PDE4D: variants seen among roughly 807,000 people sequenced by gnomAD.
PDE4D encodes 3',5'-cyclic-AMP phosphodiesterase 4D.
PDE4D carries 24 observed loss-of-function variants against 87.4 expected under a neutral mutation model. That is an observed-to-expected ratio of 0.27 (90% CI 0.20 to 0.39). The LOEUF is 0.39. Ranked by LOEUF, PDE4D falls within the 10% of genes least tolerant of loss-of-function variation. The pLI, the probability that PDE4D is intolerant of heterozygous loss-of-function variation, is 1.00. For missense variants in PDE4D, 714 were observed against 1,041.0 expected, an observed-to-expected ratio of 0.69 and a Z score of 4.32; for synonymous variants, 384 against 383.2, an observed-to-expected ratio of 1.00 and a Z score of -0.02.
chr5:59,130,076 G>T lies in PDE4D; in HGVS notation c.808+50519C>A, dbSNP rs571807570. ...TATTTCCCCCCTTATAACCAGAGCT[G>T]TTCCTCAGTACCACTAAAATTGGAA... On this transcript the variant is annotated intron_variant, in intron 5 of 14. Transcript: ENST00000340635. Among the ~76,000 whole-genome samples, 10 of 152,278 alleles carry T rather than the reference G, an allele frequency of 6.6e-5. No individual in the cohort carries two copies. The South Asian group carries it at 1.9e-3, about 28-fold the overall frequency.
intron 2 of PDE4D, among the ~76,000 whole-genome samples, chr5:60,122,144 G>T (rs1209981461): frequency 6.6e-6 from 1 of 152,184 alleles, no homozygotes; most frequent in Non-Finnish European, 1.5e-5. Flanking sequence ...GCAGGGTGCA[G>T]CCTCCCACTG....
In PDE4D at chr5:60,155,099, T is replaced by C. The variant is rs1781847657; in HGVS notation, c.42+30458A>G. Reference sequence around the variant, plus strand: ...TATGAAAAGTTGCATGCAATTCTGTTTGAGATACATCTAGGACTAGAATTA... The same window carrying C: ...TATGAAAAGTTGCATGCAATTCTGTCTGAGATACATCTAGGACTAGAATTA... On this transcript the variant is annotated intron_variant, in intron 2 of 16. Coordinates refer to the PDE4D transcript ENST00000502484. Among the ~76,000 whole-genome samples the C allele has an allele frequency of 2.0e-5, 3 of 152,190 alleles. No homozygotes were observed. The South Asian group carries it at 6.2e-4, about 31-fold the overall frequency.
At position 59,687,217 on chromosome 5, in the gene PDE4D, C is replaced by T. The variant is rs368281955; in HGVS notation, c.455+205951G>A. Reference sequence around the variant, plus strand: ...TATAACACCCTAAAAGAAAATTACCCTCTAGTAGAATGCCACAAAGATACT... The same window carrying T: ...TATAACACCCTAAAAGAAAATTACCTTCTAGTAGAATGCCACAAAGATACT... On this transcript the variant is annotated intron_variant, in intron 1 of 14. Coordinates refer to ENST00000340635, the MANE Select transcript of PDE4D (RefSeq NM_001104631.2). Among the ~76,000 whole-genome samples the T allele has an allele frequency of 9.1e-4, 139 of 152,052 alleles. 1 individual carries two copies. The South Asian group carries it at 0.026, about 29-fold the overall frequency.
intron 1 of PDE4D, chr5:59,218,010 A>C (rs1751648410): frequency 2.0e-6 from 1 of 488,838 alleles, no homozygotes; most frequent in Admixed American, 2.1e-5. Flanking sequence ...ATATCTGAGA[A>C]GTTTTCATGA....
intron 5 of PDE4D, among the ~76,000 whole-genome samples, chr5:59,135,285 C>T (rs1295121691): frequency 1.3e-5 from 2 of 152,138 alleles, no homozygotes; most frequent in Non-Finnish European, 2.9e-5. Context: ...GTTTTCTGTT[C>T]TTAGCAATCA....
chr5:59,709,776 G>A (rs926907600), intron 1 of PDE4D, among the ~76,000 whole-genome samples: 1 of 152,154 alleles, frequency 6.6e-6, no homozygotes, highest in African/African-American at 2.4e-5. Context: ...TGGGTGGTAT[G>A]CAGAAAATAG....
chr5:59,449,580 C>CATTCA (rs1364449217), intron 1 of PDE4D, among the ~76,000 whole-genome samples: 1 of 152,270 alleles, frequency 6.6e-6, no homozygotes, highest in Admixed American at 6.5e-5. Context: ...TTACTCATAG[C>CATTCA]ATTCATGGCT....
intron 1 of PDE4D, among the ~76,000 whole-genome samples, chr5:60,319,928 C>G (rs1756058109): frequency 6.6e-6 from 1 of 152,226 alleles, no homozygotes; most frequent in African/African-American, 2.4e-5. Flanking sequence ...TACTGGGGGT[C>G]AGGGACCCAG....
chr5:60,376,222 ACT>A (rs1191850220), intron 1 of PDE4D, among the ~76,000 whole-genome samples: 2 of 152,158 alleles, frequency 1.3e-5, no homozygotes. Flanking sequence ...TGGGCCACAA[ACT>A]GCTCTGAGCA....
intron 1 of PDE4D, among the ~76,000 whole-genome samples, chr5:59,451,034 T>C (rs140934018): frequency 2.6e-5 from 4 of 152,352 alleles, no homozygotes; most frequent in Non-Finnish European, 4.4e-5. Flanking sequence ...ATATTCACTA[T>C]CTTGATTCTC....
At chr5:59,972,696 A>AAG (rs1304866641) in intron 3 of PDE4D, among the ~76,000 whole-genome samples, 2 of 152,186 alleles carry the variant, frequency 1.3e-5, no homozygotes, top group Non-Finnish European at 2.9e-5. Flanking sequence ...TAAGACTAAC[A>AAG]GTTCACTTAT....
intron 1 of PDE4D, among the ~76,000 whole-genome samples, chr5:59,875,694 A>G (rs1408964854): frequency 6.6e-6 from 1 of 151,920 alleles, no homozygotes. Flanking sequence ...AATCCACACT[A>G]TTCTCTCAAT....
At chr5:59,606,627 G>A (rs747673351) in intron 1 of PDE4D, among the ~76,000 whole-genome samples, 3 of 152,100 alleles carry the variant, frequency 2.0e-5, no homozygotes, top group African/African-American at 7.2e-5. Context: ...GAGAAGGCTG[G>A]ACAGGACTGG....
At chr5:59,649,905 C>CATTTTTTTTTTTTTTTTTTTTT (rs1743128686) in intron 1 of PDE4D, among the ~76,000 whole-genome samples, 1 of 72,406 alleles carries the variant, frequency 1.4e-5, no homozygotes, top group Non-Finnish European at 2.4e-5. Context: ...GTTTGTGAAC[C>CATTTTTTTTTTTTTTTTTTTTT]TTTTTTTTTT....
chr5:60,458,141 T>C (rs1443696861), intron 1 of PDE4D, among the ~76,000 whole-genome samples: 7 of 152,082 alleles, frequency 4.6e-5, no homozygotes, highest in Non-Finnish European at 7.3e-5. Flanking sequence ...TCCCAGCACT[T>C]TGGGAGGCCA....
chr5:59,144,754 G>T (rs1428398414), intron 5 of PDE4D, among the ~76,000 whole-genome samples: 1 of 152,052 alleles, frequency 6.6e-6, no homozygotes, highest in Non-Finnish European at 1.5e-5. Flanking sequence ...AATATACATT[G>T]CTTAAAAGGT....
Position 59,788,021 on chromosome 5 carries a change from A to G in PDE4D, c.455+105147T>C, listed in dbSNP as rs551679400. ...TAGGCTGAATTAAAAGTATAATAGG[A>G]ACAAGGTAAAGCACAACATTTACTT... On this transcript the variant is annotated intron_variant, in intron 1 of 14. Transcript: ENST00000340635. Among the ~76,000 whole-genome samples, 9 of 152,336 alleles carry G rather than the reference A, an allele frequency of 5.9e-5. No homozygotes were observed. The South Asian group carries it at 1.4e-3, about 25-fold the overall frequency.
chr5:60,423,052 T>C (rs1465563875), intron 1 of PDE4D, among the ~76,000 whole-genome samples: 1 of 152,178 alleles, frequency 6.6e-6, no homozygotes, highest in Non-Finnish European at 1.5e-5. Context: ...AGCAAGTCCT[T>C]AGAGACCTAA....
At position 60,070,968 on chromosome 5, in the gene PDE4D, T is replaced by A. The variant is rs557447573; in HGVS notation, c.43-82251A>T. On this transcript the variant is annotated intron_variant, in intron 2 of 16. Coordinates refer to the PDE4D transcript ENST00000502484. Reference sequence around the variant, plus strand: ...CTAGCTTATCCAGTTTGTTGGCACATAATTGTTCATAGTTATCTCTTTTGA... The same window carrying A: ...CTAGCTTATCCAGTTTGTTGGCACAAAATTGTTCATAGTTATCTCTTTTGA... 1.2e-3 allele frequency among the ~76,000 whole-genome samples: 176 copies of A among 152,172 alleles called. 1 individual carries two copies. The highest frequency in any genetic ancestry group is 4.1e-3 in the African/African-American group (171 of 41,554).
Sources: allele counts gnomAD v4.1 joint callset (sites outside exome capture counted in the v4.1 genomes callset), GRCh38; gene constraint gnomAD v4.1.1; transcripts MANE v1.5; gene names NCBI Gene and HGNC (gene_info 2026-07-23, HGNC 2026-07-21).